Variants in ADAMTS6 observed in about 807,000 individuals in gnomAD.
ADAMTS6 encodes the protein A disintegrin and metalloproteinase with thrombospondin motifs 6.
ADAMTS6 carries 23 observed loss-of-function variants against 144.3 expected under a neutral mutation model. The observed-to-expected ratio is 0.16, with a 90% confidence interval of 0.11 to 0.23. ADAMTS6 has a LOEUF of 0.23. Ranked by LOEUF, ADAMTS6 falls within the 10% of genes least tolerant of loss-of-function variation. The pLI is 1.00. For synonymous variants in ADAMTS6, 444 were observed against 457.5 expected (o/e 0.97, Z 0.38); for missense variants, 999 against 1,379.6 (o/e 0.72, Z 4.37).
intron 3 of ADAMTS6, 82 bp downstream of exon 3, chr5:65,470,690 ATATTTT>A: frequency 3.0e-6 from 3 of 1,012,156 alleles, no homozygotes; most frequent in Admixed American, 3.9e-5. Context: ...ATATATATAT[ATATTTT>A]TTTTTTAATC....
At chr5:65,286,644 A>G (rs564934998) in intron 11 of ADAMTS6, among the ~76,000 whole-genome samples, 2 of 152,364 alleles carry the variant, frequency 1.3e-5, no homozygotes, top group African/African-American at 4.8e-5. Context: ...TAAATTATGT[A>G]CTGGATATTG....
At chr5:65,412,978 A>G (rs6881390) in intron 7 of ADAMTS6, among the ~76,000 whole-genome samples, 27,376 of 152,100 alleles carry the variant, frequency 0.18, 3,274 homozygotes, top group African/African-American at 0.34. Context: ...AGATTTAGCA[A>G]TCCTCTATAG....
At chr5:65,373,646 C>G (rs1751205888) in intron 7 of ADAMTS6, among the ~76,000 whole-genome samples, 2 of 152,054 alleles carry the variant, frequency 1.3e-5, no homozygotes, top group Non-Finnish European at 2.9e-5. Context: ...AGTCCAGGAC[C>G]AGATGGATTC....
chr5:65,215,856 A>T (rs1166293342), intron 18 of ADAMTS6, among the ~76,000 whole-genome samples: 1 of 152,144 alleles, frequency 6.6e-6, no homozygotes, highest in African/African-American at 2.4e-5. Flanking sequence ...GGTGGGGACA[A>T]CCTGTTGCAC....
At chr5:65,401,702 T>C (rs1753928762) in intron 7 of ADAMTS6, among the ~76,000 whole-genome samples, 1 of 152,196 alleles carries the variant, frequency 6.6e-6, no homozygotes, top group South Asian at 2.1e-4. Flanking sequence ...TCTGTATTTG[T>C]CTGTCACTCC....
intron 7 of ADAMTS6, among the ~76,000 whole-genome samples, chr5:65,398,255 T>C (rs762953755): frequency 3.3e-5 from 5 of 152,230 alleles, no homozygotes; most frequent in African/African-American, 1.2e-4. Flanking sequence ...AGTAGATTCA[T>C]TTATTTCTCC....
At chr5:65,322,258 T>C (rs142640652) in intron 9 of ADAMTS6, among the ~76,000 whole-genome samples, 1 of 152,200 alleles carries the variant, frequency 6.6e-6, no homozygotes, top group Non-Finnish European at 1.5e-5. Flanking sequence ...CCATGCTGTT[T>C]TGGTTACTGT....
chr5:65,261,467 T>TA lies in ADAMTS6; in HGVS notation c.1767-805dup, dbSNP rs148495403. On this transcript the variant is annotated intron_variant, in intron 13 of 24. Coordinates refer to ENST00000381055, the MANE Select transcript of ADAMTS6 (RefSeq NM_197941.4). ...GTATATTATTTATCACAGGGTTTTT[T>TA]ATACTTTGATTAATTTATAGCAGCT... 2.0e-3 allele frequency among the ~76,000 whole-genome samples: 304 copies of TA among 152,218 alleles called. 2 individuals carry two copies. Among genetic ancestry groups the TA allele is most frequent in the East Asian group, 3.7e-3 (19 of 5,178 alleles).
chr5:65,468,994 A>T (rs997954934), intron 3 of ADAMTS6, among the ~76,000 whole-genome samples: 2 of 152,174 alleles, frequency 1.3e-5, no homozygotes, highest in Admixed American at 1.3e-4. Context: ...CTCCTCTGAC[A>T]TTCGTTCTCA....
At chr5:65,216,506 T>G (rs1756928422) in intron 18 of ADAMTS6, among the ~76,000 whole-genome samples, 2 of 152,094 alleles carry the variant, frequency 1.3e-5, no homozygotes, top group South Asian at 4.1e-4. Flanking sequence ...TTGGAATGTT[T>G]CAAACGCCAC....
chr5:65,162,259 G>C (rs1367344031), intron 24 of ADAMTS6, among the ~76,000 whole-genome samples: 1 of 152,108 alleles, frequency 6.6e-6, no homozygotes, highest in Non-Finnish European at 1.5e-5. Context: ...CTGAAATGAA[G>C]GTATGAGCAT....
intron 22 of ADAMTS6, among the ~76,000 whole-genome samples, chr5:65,185,317 C>T (rs546014540): frequency 9.2e-5 from 14 of 152,120 alleles, no homozygotes; most frequent in Non-Finnish European, 1.9e-4. Flanking sequence ...CCCCACATAC[C>T]CCCTTGGGGA....
At chr5:65,400,208 T>G (rs1449235369) in intron 7 of ADAMTS6, among the ~76,000 whole-genome samples, 1 of 152,116 alleles carries the variant, frequency 6.6e-6, no homozygotes, top group African/African-American at 2.4e-5. Context: ...TAAACGTACA[T>G]TTTAGTTTAT....
At chr5:65,229,001 C>T (rs1306389682) in intron 15 of ADAMTS6, among the ~76,000 whole-genome samples, 2 of 152,222 alleles carry the variant, frequency 1.3e-5, no homozygotes, top group African/African-American at 2.4e-5. Context: ...AAAAACTCTG[C>T]ATGCCCCATT....
At chr5:65,387,776 G>C (rs537900642) in intron 7 of ADAMTS6, among the ~76,000 whole-genome samples, 6 of 152,244 alleles carry the variant, frequency 3.9e-5, no homozygotes, top group South Asian at 4.1e-4. Context: ...AAAAGCAAGT[G>C]GGGGGAGATT....
chr5:65,225,986 C>T, intron 16 of ADAMTS6, 100 bp downstream of exon 16: 2 of 1,261,110 alleles, frequency 1.6e-6, no homozygotes, highest in East Asian at 2.7e-5. Context: ...AAATGTGGTC[C>T]CCTTTTTTTA....
chr5:65,369,139 G>A (rs1750592401), intron 7 of ADAMTS6, among the ~76,000 whole-genome samples: 1 of 152,166 alleles, frequency 6.6e-6, no homozygotes, highest in Non-Finnish European at 1.5e-5. Flanking sequence ...AGGATCCCTT[G>A]ATCCCAGGAG....
At chr5:65,194,725 A>G (rs983693709) in intron 21 of ADAMTS6, among the ~76,000 whole-genome samples, 1 of 152,226 alleles carries the variant, frequency 6.6e-6, no homozygotes, top group African/African-American at 2.4e-5. Flanking sequence ...AAAACCCATC[A>G]GACTAAACTT....
At chr5:65,449,901 T>C (rs1411830960) in intron 7 of ADAMTS6, among the ~76,000 whole-genome samples, 2 of 152,114 alleles carry the variant, frequency 1.3e-5, no homozygotes, top group Non-Finnish European at 2.9e-5. Flanking sequence ...AAAAATCCAA[T>C]GGAGATATAA....
Sources: gnomAD v4.1 joint callset for allele counts (sites outside exome capture counted in the v4.1 genomes callset) on GRCh38, gnomAD v4.1.1 for gene constraint, MANE v1.5 for transcripts, NCBI Gene and HGNC (gene_info 2026-07-23, HGNC 2026-07-21) for gene names.